The following ABCC9 variants were observed in gnomAD, a reference collection of about 807,000 sequenced individuals.
ABCC9 encodes ATP-binding cassette sub-family C member 9.
In ABCC9, 95 loss-of-function variants were observed where a neutral mutation model predicts 188.3. The ratio of observed to expected loss-of-function variants is 0.50; its 90% CI spans 0.43 to 0.60. The LOEUF is 0.60. Among genes scored for constraint, ABCC9 ranks in the 20% least tolerant of loss-of-function variants. The pLI, the probability that ABCC9 is intolerant of heterozygous loss-of-function variation, is 0.00. For missense variants in ABCC9, 1,102 were observed against 1,876.3 expected, an observed-to-expected ratio of 0.59 and a Z score of 7.62; for synonymous variants, 659 against 652.7, an observed-to-expected ratio of 1.01 and a Z score of -0.15.
At chr12:21,861,120 A>C (rs1014258349) in intron 20 of ABCC9, 65 bp from the exon 21 acceptor site, 37 of 1,263,180 alleles carry the variant, frequency 2.9e-5, no homozygotes, top group Middle Eastern at 1.9e-4. Flanking sequence ...ACTAAGTGCC[A>C]AATTCAATAC....
intron 31 of ABCC9, among the ~76,000 whole-genome samples, chr12:21,827,662 C>T (rs1943468041): frequency 6.6e-6 from 1 of 151,466 alleles, no homozygotes; most frequent in African/African-American, 2.4e-5. Context: ...TGTGATAAAT[C>T]CTAAGTAACA....
chr12:21,841,713 G>A (rs1281768520), intron 29 of ABCC9, among the ~76,000 whole-genome samples: 2 of 151,990 alleles, frequency 1.3e-5, no homozygotes, highest in African/African-American at 4.8e-5. Context: ...ACCATGGAGT[G>A]AAAAATTTGT....
chr12:21,881,149 A>C (rs1946596548), intron 16 of ABCC9, among the ~76,000 whole-genome samples: 1 of 152,190 alleles, frequency 6.6e-6, no homozygotes, highest in South Asian at 2.1e-4. Flanking sequence ...TAATTGCCAC[A>C]GGGTGGCAAT....
At chr12:21,869,112 C>G (rs866769219) in intron 18 of ABCC9, among the ~76,000 whole-genome samples, 1 of 152,164 alleles carries the variant, frequency 6.6e-6, no homozygotes, top group Middle Eastern at 3.2e-3. Flanking sequence ...GTTGAACCAA[C>G]TTAAACATTT....
intron 39 of ABCC9, among the ~76,000 whole-genome samples, chr12:21,802,622 A>G (rs1941534545): frequency 1.3e-5 from 2 of 152,210 alleles, no homozygotes; most frequent in African/African-American, 4.8e-5. Context: ...AATTCGAACT[A>G]TCAACATTTC....
chr12:21,845,570 G>A (rs1200132421), intron 26 of ABCC9, 33 bp downstream of exon 26: 2 of 1,551,658 alleles, frequency 1.3e-6, no homozygotes, highest in Non-Finnish European at 1.8e-6. Flanking sequence ...ATATTTCCTT[G>A]ATGATTTAAA....
chr12:21,815,648 A>G, intron 34 of ABCC9, 115 bp downstream of exon 34: 1 of 1,301,052 alleles, frequency 7.7e-7, no homozygotes, highest in Admixed American at 1.7e-5. Context: ...TTTGACCTAC[A>G]TCAGGTAGGG....
At chr12:21,887,727 T>C in intron 15 of ABCC9, 99 bp downstream of exon 15, 6 of 855,544 alleles carry the variant, frequency 7.0e-6, no homozygotes, top group Non-Finnish European at 4.0e-6. Context: ...GGTTAAAAAC[T>C]AAAGCTTATA....
intron 19 of ABCC9, among the ~76,000 whole-genome samples, chr12:21,864,194 T>C (rs1400237817): frequency 2.0e-5 from 3 of 152,164 alleles, no homozygotes; most frequent in Non-Finnish European, 4.4e-5. Flanking sequence ...AGTTTGAGTT[T>C]CAGCCAAAGT....
intron 5 of ABCC9, among the ~76,000 whole-genome samples, chr12:21,921,472 A>T (rs532941990): frequency 2.6e-5 from 4 of 152,042 alleles, no homozygotes; most frequent in African/African-American, 9.6e-5. Flanking sequence ...CTGCTCATTA[A>T]TCCCTTGTCA....
chr12:21,931,536 T>C (rs557904253), intron 4 of ABCC9, among the ~76,000 whole-genome samples: 1 of 152,218 alleles, frequency 6.6e-6, no homozygotes, highest in South Asian at 2.1e-4. Flanking sequence ...AGGACCTCTT[T>C]TATCATGACC....
At chr12:21,902,864 A>G (rs2137810174) in intron 12 of ABCC9, among the ~76,000 whole-genome samples, 1 of 152,312 alleles carries the variant, frequency 6.6e-6, no homozygotes, top group African/African-American at 2.4e-5. Context: ...CCAGAGGTAC[A>G]AGGAGGAGCT....
chr12:21,855,820 CA>C (rs1243840131), intron 22 of ABCC9, among the ~76,000 whole-genome samples: 5 of 152,134 alleles, frequency 3.3e-5, no homozygotes, highest in Non-Finnish European at 7.3e-5. Flanking sequence ...CTTACCCCTT[CA>C]ATGTATCACA....
rs989653223 is a variant in ABCC9 at position 21,814,874 on chromosome 12, T to G, written c.4024-152A>C. On this transcript the variant is annotated intron_variant, in intron 34 of 39. Transcript: ENST00000261200. ...GTTATCATTTTTTCTTAGATCTACA[T>G]TATGAATTATTCTCAAGATAAAAAC... is the stretch of plus-strand genomic sequence containing the variant. The G allele has an allele frequency of 8.4e-6, 6 of 714,670 alleles. No homozygotes were observed. In the African/African-American group the frequency reaches 8.9e-5, roughly 11 times the overall value. 44.3% of individuals were successfully genotyped at this position (714,670 alleles called of 1,614,324 possible).
chr12:21,897,337 C>T lies in ABCC9; in HGVS notation c.1619-2022G>A, dbSNP rs372849573. On this transcript the variant is annotated intron_variant, in intron 12 of 39. Coordinates refer to ENST00000261200, the MANE Select transcript of ABCC9 (RefSeq NM_020297.4). ...TTAGACAATTTTCAGATGGATAGAT[C>T]GCAAACATTTCCTCCCATTTTGTAG... Among the ~76,000 whole-genome samples the T allele has an allele frequency of 1.1e-4, 16 of 152,100 alleles. 1 individual carries two copies. The highest frequency in any genetic ancestry group is 3.9e-4 in the East Asian group (2 of 5,168).
At chr12:21,915,247 G>GTATATAA (rs1948492501) in intron 7 of ABCC9, among the ~76,000 whole-genome samples, 5 of 79,194 alleles carry the variant, frequency 6.3e-5, no homozygotes, top group African/African-American at 8.7e-5. Flanking sequence ...GTGTGTGTGT[G>GTATATAA]TGTGTGTGTG....
chr12:21,910,056 C>T, intron 10 of ABCC9, 101 bp downstream of exon 10: 1 of 1,135,448 alleles, frequency 8.8e-7, no homozygotes, highest in East Asian at 2.4e-5. Context: ...AATATTTGCA[C>T]ATTCAAAAAC....
At chr12:21,848,276 G>A in intron 24 of ABCC9, 30 bp from the exon 25 acceptor site, 1 of 1,576,658 alleles carries the variant, frequency 6.3e-7, no homozygotes, top group Non-Finnish European at 8.7e-7. Flanking sequence ...ATCATGCAAG[G>A]AGCTAACACC....
chr12:21,921,522 T>C (rs1289537919), intron 5 of ABCC9, among the ~76,000 whole-genome samples: 1 of 152,120 alleles, frequency 6.6e-6, no homozygotes, highest in Non-Finnish European at 1.5e-5. Flanking sequence ...TTCTGTAGAT[T>C]GTGTCTTCAC....
Sources: allele counts gnomAD v4.1 joint callset (sites outside exome capture counted in the v4.1 genomes callset), GRCh38; gene constraint gnomAD v4.1.1; transcripts MANE v1.5; gene names NCBI Gene and HGNC (gene_info 2026-07-23, HGNC 2026-07-21).